The following WWOX variants were observed in gnomAD, a reference collection of about 807,000 sequenced individuals.
WWOX encodes the protein WW domain containing oxidoreductase.
Under a neutral mutation model 46.2 loss-of-function variants are expected in WWOX, and 69 were observed. The observed-to-expected ratio is 1.49, with a 90% CI of 1.23 to 1.82. WWOX has a LOEUF of 1.82. WWOX is among the 40% of genes most tolerant of loss of function. The pLI is 0.00. For synonymous variants in WWOX, 359 were observed against 202.6 expected (o/e 1.77, Z -6.56); for missense variants, 919 against 542.6 (o/e 1.69, Z -6.89).
chr16:78,393,156 G>T (rs2082212386), intron 6 of WWOX, among the ~76,000 whole-genome samples: 1 of 152,146 alleles, frequency 6.6e-6, no homozygotes, highest in Non-Finnish European at 1.5e-5. Flanking sequence ...GGAGTATGAA[G>T]AGCTGGGACC....
chr16:78,578,885 C>G (rs565152674), intron 8 of WWOX, among the ~76,000 whole-genome samples: 117 of 152,182 alleles, frequency 7.7e-4, no homozygotes, highest in Non-Finnish European at 1.5e-3. Context: ...AAAGGTGCAT[C>G]TCTACAAACA....
At chr16:78,368,729 A>T (rs1404953155) in intron 5 of WWOX, among the ~76,000 whole-genome samples, 1 of 152,112 alleles carries the variant, frequency 6.6e-6, no homozygotes, top group Non-Finnish European at 1.5e-5. Context: ...TGCTCTTTGC[A>T]ACACGTGCAG....
chr16:78,820,779 C>T (rs181701307), intron 8 of WWOX, among the ~76,000 whole-genome samples: 4 of 152,192 alleles, frequency 2.6e-5, no homozygotes, highest in East Asian at 3.9e-4. Flanking sequence ...AAAATCAAGG[C>T]GTTTGTGGGG....
At chr16:78,259,824 A>G (rs1305852791) in intron 5 of WWOX, among the ~76,000 whole-genome samples, 1 of 151,238 alleles carries the variant, frequency 6.6e-6, no homozygotes, top group African/African-American at 2.4e-5. Context: ...ATTGTAAAGG[A>G]ATATTTAAAG....
chr16:78,467,714 A>T (rs1337483685), intron 8 of WWOX, among the ~76,000 whole-genome samples: 1 of 152,228 alleles, frequency 6.6e-6, no homozygotes, highest in African/African-American at 2.4e-5. Flanking sequence ...GTTCAGAAGT[A>T]TAAGGAAAAA....
At chr16:78,372,873 A>G (rs1232829203) in intron 5 of WWOX, among the ~76,000 whole-genome samples, 1 of 152,190 alleles carries the variant, frequency 6.6e-6, no homozygotes, top group Non-Finnish European at 1.5e-5. Context: ...TCAGCACAGT[A>G]GCAGCTACTA....
chr16:78,875,321 G>A (rs1212444900), intron 8 of WWOX, among the ~76,000 whole-genome samples: 3 of 152,162 alleles, frequency 2.0e-5, no homozygotes, highest in Non-Finnish European at 4.4e-5. Context: ...CTCAGTGGCA[G>A]CCATCTTGCT....
intron 8 of WWOX, among the ~76,000 whole-genome samples, chr16:78,927,458 A>G (rs1040834462): frequency 6.6e-6 from 1 of 152,168 alleles, no homozygotes; most frequent in Admixed American, 6.5e-5. Flanking sequence ...CTCTGTGGGT[A>G]AAAGTTCTCT....
chr16:79,190,160 G>A (rs906299013), intron 8 of WWOX, among the ~76,000 whole-genome samples: 1 of 152,136 alleles, frequency 6.6e-6, no homozygotes, highest in African/African-American at 2.4e-5. Context: ...GAGTAGCTGG[G>A]ATTTTAGGTG....
intron 8 of WWOX, among the ~76,000 whole-genome samples, chr16:78,721,235 T>C (rs988501591): frequency 1.7e-5 from 2 of 116,836 alleles, no homozygotes; most frequent in Admixed American, 8.8e-5. Flanking sequence ...ATATGCCCCA[T>C]GTCTAAGAAA....
At chr16:78,527,296 C>CT (rs368608216) in intron 8 of WWOX, among the ~76,000 whole-genome samples, 108,264 of 138,668 alleles carry the variant, frequency 0.78, 44,291 homozygotes, top group East Asian at 0.96. Context: ...TTTTTTCTTT[C>CT]TTTTTTTTTT....
intron 8 of WWOX, among the ~76,000 whole-genome samples, chr16:79,130,072 G>C (rs180797766): frequency 1.3e-5 from 2 of 152,288 alleles, no homozygotes; most frequent in South Asian, 2.1e-4. Flanking sequence ...TGGAATAACC[G>C]TGTAAGGTTG....
chr16:79,002,316 C>T (rs998709064), intron 8 of WWOX, among the ~76,000 whole-genome samples: 1 of 139,270 alleles, frequency 7.2e-6, no homozygotes, highest in African/African-American at 2.7e-5. Context: ...CTCCACCTTC[C>T]AAGTTCAAGT....
chr16:78,353,895 C>T (rs1424299608), intron 5 of WWOX, among the ~76,000 whole-genome samples: 1 of 152,178 alleles, frequency 6.6e-6, no homozygotes, highest in Non-Finnish European at 1.5e-5. Context: ...TCGTAAAATT[C>T]CTGGGTGATG....
chr16:78,101,443 T>C (rs1280104602), intron 1 of WWOX, among the ~76,000 whole-genome samples: 9 of 144,950 alleles, frequency 6.2e-5, no homozygotes, highest in Non-Finnish European at 1.3e-4. Flanking sequence ...GCATGCCGAG[T>C]TCAAGCGATT....
intron 5 of WWOX, among the ~76,000 whole-genome samples, chr16:78,319,967 G>C (rs1438319288): frequency 1.3e-5 from 2 of 152,092 alleles, no homozygotes; most frequent in African/African-American, 4.8e-5. Flanking sequence ...ATCCCAATCA[G>C]AATTCCCTCC....
At chr16:78,899,675 C>A (rs1418589047) in intron 8 of WWOX, 1 of 152,164 alleles carries the variant, frequency 6.6e-6, no homozygotes. Flanking sequence ...AAGACTTTTA[C>A]AGATACCCAG....
intron 5 of WWOX, among the ~76,000 whole-genome samples, chr16:78,320,008 T>C (rs1265819291): frequency 6.6e-6 from 1 of 152,218 alleles, no homozygotes; most frequent in Non-Finnish European, 1.5e-5. Flanking sequence ...TCTTTTAACT[T>C]TATTTCTTAG....
In WWOX at chr16:79,058,380, G is replaced by C. The variant is rs574506510; in HGVS notation, c.1057-153228G>C. Among the ~76,000 whole-genome samples, 7 of 84,826 alleles carry C rather than the reference G, an allele frequency of 8.3e-5. No individual in the cohort carries two copies. The South Asian group carries it at 1.1e-3, about 13-fold the overall frequency. The allele number at this position is 84,826 out of a possible 152,430, so 55.6% of individuals were successfully genotyped here. A position where few individuals can be genotyped will look rare whatever the true frequency, so the allele number is the denominator to read the frequency against. ...CACATTTGGCAAGTAGTAAACTCTGGATAAATATACTTTTGAATTGTGTGA... is the reference window on the plus strand; with the variant it reads ...CACATTTGGCAAGTAGTAAACTCTGCATAAATATACTTTTGAATTGTGTGA... On this transcript the variant is annotated intron_variant, in intron 8 of 8. Coordinates refer to ENST00000566780, the MANE Select transcript of WWOX (RefSeq NM_016373.4).
Sources: gnomAD v4.1 joint callset for allele counts (sites outside exome capture counted in the v4.1 genomes callset) on GRCh38, gnomAD v4.1.1 for gene constraint, MANE v1.5 for transcripts, NCBI Gene and HGNC (gene_info 2026-07-23, HGNC 2026-07-21) for gene names.